The following RBMS3 variants were observed in gnomAD, a reference collection of about 807,000 sequenced individuals.
RBMS3 encodes RNA binding motif single stranded interacting protein 3, also known as RNA-binding motif, single-stranded-interacting protein 3.
Under a neutral mutation model 66.8 loss-of-function variants are expected in RBMS3, and 27 were observed. The observed-to-expected ratio is 0.40, with a 90% CI of 0.30 to 0.56. The LOEUF (loss-of-function observed/expected upper bound fraction) is 0.56. Among genes scored for constraint, RBMS3 ranks in the 20% least tolerant of loss-of-function variants. The probability of loss-of-function intolerance (pLI) is 0.40; values close to 1 mark genes in which losing one functional copy is unlikely to be tolerated. For synonymous variants in RBMS3, 188 were observed against 183.0 expected, an observed-to-expected ratio of 1.03 and a Z score of -0.22; for missense variants, 513 against 549.5, an observed-to-expected ratio of 0.93 and a Z score of 0.66.
At chr3:29,558,898 G>C (rs1458218940) in intron 3 of RBMS3, among the ~76,000 whole-genome samples, 1 of 152,072 alleles carries the variant, frequency 6.6e-6, no homozygotes, top group Non-Finnish European at 1.5e-5. Context: ...AAAAATTTGC[G>C]AGGGAATAGA....
chr3:29,880,667 C>T (rs1405853843), intron 7 of RBMS3: 6 of 920,126 alleles, frequency 6.5e-6, no homozygotes, highest in Admixed American at 2.0e-5. Flanking sequence ...TTATATTCAG[C>T]CAATGGGTTA....
chr3:29,884,576 T>G (rs1304682002), intron 8 of RBMS3, among the ~76,000 whole-genome samples: 2 of 151,152 alleles, frequency 1.3e-5, no homozygotes, highest in Non-Finnish European at 3.0e-5. Flanking sequence ...CACTTTTTGG[T>G]GTGTGCCCAA....
At position 30,005,666 on chromosome 3, in the gene RBMS3, A is replaced by G. The variant is rs1265533894; in HGVS notation, c.*1804A>G. The G allele has an allele frequency of 1.3e-5, 2 of 151,640 alleles. No homozygotes were observed. The highest frequency in any genetic ancestry group is 1.3e-4 in the Admixed American group (2 of 15,190). 9.4% of individuals were successfully genotyped at this position (151,640 alleles called of 1,614,324 possible). On this transcript the variant is annotated 3_prime_UTR_variant, in exon 15 of 15. Coordinates refer to ENST00000383767, the MANE Select transcript of RBMS3 (RefSeq NM_001003793.3). ...CATGAATAGTCACCTTGGTTTTGCA[A>G]ATGGGGAGGGGGTATCATCTTTTTG...
chr3:29,473,674 A>G (rs914636321), intron 2 of RBMS3, among the ~76,000 whole-genome samples: 1 of 152,224 alleles, frequency 6.6e-6, no homozygotes, highest in Non-Finnish European at 1.5e-5. Context: ...GCACGGTGAG[A>G]AATCGAGTGC....
At chr3:29,916,475 C>A (rs2060640507) in intron 10 of RBMS3, among the ~76,000 whole-genome samples, 1 of 151,790 alleles carries the variant, frequency 6.6e-6, no homozygotes, top group Non-Finnish European at 1.5e-5. Flanking sequence ...CCTTGTATTG[C>A]TTTTTTTAGA....
chr3:29,568,783 T>C (rs1250324571), intron 3 of RBMS3, among the ~76,000 whole-genome samples: 1 of 152,192 alleles, frequency 6.6e-6, no homozygotes, highest in Non-Finnish European at 1.5e-5. Flanking sequence ...ATTAGAATTG[T>C]CCAGGTGGAG....
intron 1 of RBMS3, chr3:29,391,035 G>T (rs561404996): frequency 5.1e-6 from 2 of 391,786 alleles, no homozygotes; most frequent in Non-Finnish European, 1.1e-5. Flanking sequence ...ATGTCAAGTT[G>T]GTGGAGGCCC....
chr3:29,888,496 T>C (rs2059925125), intron 8 of RBMS3, among the ~76,000 whole-genome samples: 1 of 151,644 alleles, frequency 6.6e-6, no homozygotes, highest in Non-Finnish European at 1.5e-5. Context: ...CTTACTCTGG[T>C]CTTTTCTCAC....
intron 8 of RBMS3, among the ~76,000 whole-genome samples, chr3:29,892,923 A>G (rs2060039026): frequency 6.6e-6 from 1 of 151,078 alleles, no homozygotes; most frequent in African/African-American, 2.4e-5. Flanking sequence ...GCAGGGACTG[A>G]AAAAAAGCTA....
intron 12 of RBMS3, among the ~76,000 whole-genome samples, chr3:29,981,701 A>C (rs1397514782): frequency 6.6e-6 from 1 of 151,930 alleles, no homozygotes. Context: ...GGTTTTTGTC[A>C]TTGGTCCTGT....
At chr3:29,452,849 G>A (rs72853347) in intron 2 of RBMS3, among the ~76,000 whole-genome samples, 3,605 of 152,094 alleles carry the variant, frequency 0.024, 146 homozygotes, top group African/African-American at 0.082. Context: ...GGTAAAGCTG[G>A]GTCCTCAACA....
chr3:29,295,493 C>T (rs1479100053), intron 1 of RBMS3, among the ~76,000 whole-genome samples: 2 of 150,914 alleles, frequency 1.3e-5, no homozygotes, highest in Non-Finnish European at 3.0e-5. Context: ...AATAATCTCC[C>T]TCAATACACT....
In RBMS3 at chr3:29,701,432, C is replaced by T. The variant is rs137922497; in HGVS notation, c.400-38288C>T. ...GAGGTAACAGCCTGCTGGCAGCCCT[C>T]GCTCGCCCTCGGTGCCTCCTCAGCC... On this transcript the variant is annotated intron_variant, in intron 4 of 14. Coordinates refer to ENST00000383767, the MANE Select transcript of RBMS3 (RefSeq NM_001003793.3). 2.7e-4 allele frequency among the ~76,000 whole-genome samples: 41 copies of T among 152,320 alleles called. No individual in the cohort carries two copies. In the East Asian group the frequency reaches 6.2e-3, roughly 23 times the overall value.
At chr3:29,687,648 T>C (rs1411804359) in intron 4 of RBMS3, among the ~76,000 whole-genome samples, 1 of 152,184 alleles carries the variant, frequency 6.6e-6, no homozygotes, top group Non-Finnish European at 1.5e-5. Context: ...GTATGCTGTG[T>C]TGGTTCATAT....
intron 6 of RBMS3, among the ~76,000 whole-genome samples, chr3:29,862,966 G>T (rs1402652034): frequency 1.3e-5 from 2 of 151,868 alleles, no homozygotes; most frequent in East Asian, 1.9e-4. Context: ...TCTAATCAAA[G>T]AATTTGGATT....
intron 2 of RBMS3, among the ~76,000 whole-genome samples, chr3:29,467,408 T>C (rs1251529219): frequency 6.6e-6 from 1 of 152,204 alleles, no homozygotes; most frequent in Non-Finnish European, 1.5e-5. Context: ...TTTCATGAGT[T>C]TGCGTTTATG....
chr3:29,642,219 GT>G (rs1284902814), intron 4 of RBMS3, among the ~76,000 whole-genome samples: 1 of 152,052 alleles, frequency 6.6e-6, no homozygotes, highest in Non-Finnish European at 1.5e-5. Flanking sequence ...GCAATTCTAA[GT>G]GGAAATGCTG....
At chr3:29,933,880 C>G (rs2061194641) in intron 10 of RBMS3, 1 of 152,060 alleles carries the variant, frequency 6.6e-6, no homozygotes, top group African/African-American at 2.4e-5. Flanking sequence ...CCAAATACTG[C>G]TTTCAATGAA....
intron 2 of RBMS3, among the ~76,000 whole-genome samples, chr3:29,438,028 T>TTTTCTCTCTCTCTC (rs146912044): frequency 1.4e-5 from 2 of 142,558 alleles, no homozygotes; most frequent in South Asian, 4.7e-4. Flanking sequence ...CCTTGCTTGT[T>TTTTCTCTCTCTCTC]TCTCTCTCTC....
Sources: gnomAD v4.1 joint callset for allele counts (sites outside exome capture counted in the v4.1 genomes callset) on GRCh38, gnomAD v4.1.1 for gene constraint, MANE v1.5 for transcripts, NCBI Gene and HGNC (gene_info 2026-07-23, HGNC 2026-07-21) for gene names.